SDC2: variants seen among roughly 807,000 people sequenced by gnomAD.
SDC2 encodes syndecan-2.
SDC2 carries 13 observed loss-of-function variants against 22.2 expected under a neutral mutation model. The ratio of observed to expected loss-of-function variants is 0.59; its 90% confidence interval spans 0.38 to 0.93. SDC2 has a LOEUF of 0.93. SDC2 is among the 40% of genes least tolerant of loss of function. The pLI is 0.00. For synonymous variants in SDC2, 94 were observed against 92.8 expected (o/e 1.01, Z -0.07); for missense variants, 235 against 246.8 (o/e 0.95, Z 0.32).
At chr8:96,534,653 T>A (rs1813723020) in intron 1 of SDC2, among the ~76,000 whole-genome samples, 1 of 151,922 alleles carries the variant, frequency 6.6e-6, no homozygotes, top group Non-Finnish European at 1.5e-5. Context: ...CCCAGGCTGA[T>A]CTCAAACTCC....
chr8:96,564,097 T>G (rs1031211147), intron 1 of SDC2, among the ~76,000 whole-genome samples: 4 of 152,222 alleles, frequency 2.6e-5, no homozygotes, highest in East Asian at 1.9e-4. Flanking sequence ...GCTTGGTAAC[T>G]CCACCTTTCT....
At chr8:96,597,477 C>T (rs1814897774) in intron 2 of SDC2, among the ~76,000 whole-genome samples, 1 of 152,182 alleles carries the variant, frequency 6.6e-6, no homozygotes. Context: ...CGGTGTTTCC[C>T]TCTTCAATAT....
chr8:96,573,021 G>A (rs1235191795), intron 1 of SDC2, among the ~76,000 whole-genome samples: 5 of 152,202 alleles, frequency 3.3e-5, no homozygotes, highest in Non-Finnish European at 7.4e-5. Flanking sequence ...GAGCTGGCTT[G>A]AGCTACAGGA....
chr8:96,595,344 T>C (rs912571114), intron 2 of SDC2, among the ~76,000 whole-genome samples: 3 of 152,038 alleles, frequency 2.0e-5, no homozygotes, highest in African/African-American at 7.2e-5. Context: ...ACAAGAGAGG[T>C]GGTTGCTGAC....
chr8:96,561,341 A>C (rs1437390854), intron 1 of SDC2, among the ~76,000 whole-genome samples: 2 of 152,210 alleles, frequency 1.3e-5, no homozygotes, highest in African/African-American at 4.8e-5. Context: ...CTATACATAG[A>C]GAAGACATGA....
intron 1 of SDC2, among the ~76,000 whole-genome samples, chr8:96,534,778 C>T (rs924573938): frequency 4.6e-5 from 7 of 151,992 alleles, no homozygotes; most frequent in Middle Eastern, 3.4e-3. Flanking sequence ...GGTCATCTCC[C>T]GCTGCCCTTC....
intron 1 of SDC2, among the ~76,000 whole-genome samples, chr8:96,512,065 G>T (rs966934983): frequency 6.6e-6 from 1 of 152,188 alleles, no homozygotes; most frequent in African/African-American, 2.4e-5. Flanking sequence ...CCAGCCAGGA[G>T]ACAGAGTCAA....
chr8:96,579,741 T>G lies in SDC2; in HGVS notation c.61-13739T>G, dbSNP rs115744465. On this transcript the variant is annotated intron_variant, in intron 1 of 4. Transcript: ENST00000302190. Reference sequence around the variant, plus strand: ...ATCAGTATTTAACAATTATTGAATTTGTTCAACTGGCATTTGTTTTAAACA... The same window carrying G: ...ATCAGTATTTAACAATTATTGAATTGGTTCAACTGGCATTTGTTTTAAACA... 9.4e-3 allele frequency among the ~76,000 whole-genome samples: 1,430 copies of G among 152,334 alleles called. 22 individuals are homozygous for G. Among genetic ancestry groups the G allele is most frequent in the African/African-American group, 0.033 (1,352 of 41,570 alleles).
chr8:96,592,998 A>G (rs1309650776), intron 1 of SDC2, among the ~76,000 whole-genome samples: 1 of 152,220 alleles, frequency 6.6e-6, no homozygotes, highest in Non-Finnish European at 1.5e-5. Flanking sequence ...GAGTATTGCC[A>G]GGCCTGCAAG....
At chr8:96,547,729 T>G (rs1586293097) in intron 1 of SDC2, among the ~76,000 whole-genome samples, 1 of 151,054 alleles carries the variant, frequency 6.6e-6, no homozygotes, top group South Asian at 2.1e-4. Flanking sequence ...TATGGATCCT[T>G]GTTTGATTTT....
intron 1 of SDC2, among the ~76,000 whole-genome samples, chr8:96,503,034 C>T (rs761298737): frequency 2.5e-4 from 38 of 152,092 alleles, no homozygotes; most frequent in Admixed American, 8.5e-4. Context: ...ACTAGTTCTA[C>T]GCTGAGATAT....
At chr8:96,558,664 T>C (rs1323377930) in intron 1 of SDC2, among the ~76,000 whole-genome samples, 4 of 152,172 alleles carry the variant, frequency 2.6e-5, no homozygotes, top group Admixed American at 2.0e-4. Flanking sequence ...CCCAACACTT[T>C]GGGAGGCTGA....
chr8:96,575,520 AT>A (rs1814473545), intron 1 of SDC2, among the ~76,000 whole-genome samples: 3 of 152,222 alleles, frequency 2.0e-5, no homozygotes, highest in Admixed American at 2.0e-4. Context: ...TTTTCAAGTC[AT>A]CCTTTTAATA....
intron 1 of SDC2, among the ~76,000 whole-genome samples, chr8:96,575,202 GT>G (rs1563667283): frequency 6.6e-6 from 1 of 152,166 alleles, no homozygotes; most frequent in Admixed American, 6.5e-5. Context: ...CATGAAAACT[GT>G]AGAGATGCAG....
chr8:96,577,826 A>G (rs1195283520), intron 1 of SDC2, among the ~76,000 whole-genome samples: 3 of 152,180 alleles, frequency 2.0e-5, no homozygotes, highest in Non-Finnish European at 4.4e-5. Flanking sequence ...TGTATTTGGA[A>G]TCATACAGTA....
rs550923635 is a variant in SDC2, at chr8:96,517,990, G to A, written c.60+23659G>A. 4.3e-4 allele frequency among the ~76,000 whole-genome samples: 65 copies of A among 152,204 alleles called. 1 individual carries two copies. The highest frequency in any genetic ancestry group is 3.4e-3 in the Middle Eastern group (1 of 294). Reference sequence around the variant, plus strand: ...GATACAAAGAGCCGCAGAACGATTGGTTTGCTGTTGGTTTTTTTCTTTTTC... The same window carrying A: ...GATACAAAGAGCCGCAGAACGATTGATTTGCTGTTGGTTTTTTTCTTTTTC... On this transcript the variant is annotated intron_variant, in intron 1 of 4. Coordinates refer to ENST00000302190, the MANE Select transcript of SDC2 (RefSeq NM_002998.4).
chr8:96,532,882 A>C (rs1159309628), intron 1 of SDC2, among the ~76,000 whole-genome samples: 1 of 152,208 alleles, frequency 6.6e-6, no homozygotes, highest in African/African-American at 2.4e-5. Context: ...AAATGGGCCC[A>C]CATTTTTCTG....
intron 4 of SDC2, among the ~76,000 whole-genome samples, chr8:96,609,068 A>G (rs1163555026): frequency 6.6e-6 from 1 of 152,242 alleles, no homozygotes; most frequent in Admixed American, 6.5e-5. Context: ...CAGTTAGAAA[A>G]TTAGAATATG....
intron 1 of SDC2, among the ~76,000 whole-genome samples, chr8:96,515,269 C>CT (rs1388122592): frequency 1.3e-5 from 2 of 152,228 alleles, no homozygotes; most frequent in South Asian, 2.1e-4. Flanking sequence ...CCAGTCCAGA[C>CT]TTTAACACTG....
Sources: allele counts gnomAD v4.1 joint callset (sites outside exome capture counted in the v4.1 genomes callset), GRCh38; gene constraint gnomAD v4.1.1; transcripts MANE v1.5; gene names NCBI Gene and HGNC (gene_info 2026-07-23, HGNC 2026-07-21).